The following IMMP2L variants were observed in gnomAD, a reference collection of about 807,000 sequenced individuals.
IMMP2L encodes mitochondrial inner membrane protease subunit 2.
A neutral mutation model predicts 19.3 loss-of-function variants in IMMP2L; 18 were observed. That is an observed-to-expected ratio of 0.93 (90% CI 0.64 to 1.38). The LOEUF (loss-of-function observed/expected upper bound fraction) is 1.38, where lower values mean the gene tolerates loss of function less well. Ranked by LOEUF, IMMP2L falls within the 40% of genes most tolerant of loss-of-function variation. The probability of loss-of-function intolerance (pLI) is 0.00; values close to 1 mark genes in which losing one functional copy is unlikely to be tolerated. For missense variants in IMMP2L, 233 were observed against 218.2 expected (o/e 1.07, Z -0.43); for synonymous variants, 76 against 73.0 (o/e 1.04, Z -0.21).
chr7:111,321,232 T>A (rs2130493851), intron 3 of IMMP2L, among the ~76,000 whole-genome samples: 1 of 152,110 alleles, frequency 6.6e-6, no homozygotes, highest in South Asian at 2.1e-4. Context: ...CAAAAAAGCA[T>A]CTGTCCATAC....
chr7:111,102,968 G>A (rs983242334), intron 3 of IMMP2L, among the ~76,000 whole-genome samples: 1 of 151,428 alleles, frequency 6.6e-6, no homozygotes, highest in African/African-American at 2.4e-5. Flanking sequence ...GAGCACTCAA[G>A]CCCTTGAGTT....
intron 3 of IMMP2L, among the ~76,000 whole-genome samples, chr7:111,051,114 G>C (rs1265857651): frequency 5.3e-5 from 8 of 152,150 alleles, no homozygotes; most frequent in African/African-American, 1.9e-4. Context: ...CTCCAGCCTG[G>C]TCAACAGAGT....
intron 3 of IMMP2L, among the ~76,000 whole-genome samples, chr7:111,033,512 C>T (rs1193981350): frequency 2.0e-5 from 3 of 152,202 alleles, no homozygotes; most frequent in African/African-American, 7.2e-5. Flanking sequence ...CATACAACAG[C>T]CCTCACAGGA....
intron 3 of IMMP2L, among the ~76,000 whole-genome samples, chr7:111,191,287 T>C (rs193079576): frequency 7.2e-4 from 110 of 152,210 alleles, no homozygotes; most frequent in South Asian, 2.1e-3. Flanking sequence ...CTAGATTAAC[T>C]ATTTCATTTA....
intron 1 of IMMP2L, among the ~76,000 whole-genome samples, chr7:111,549,034 G>T (rs1275871567): frequency 6.6e-6 from 1 of 151,946 alleles, no homozygotes; most frequent in East Asian, 1.9e-4. Flanking sequence ...TATCCCAAAG[G>T]GTATACCTTT....
intron 3 of IMMP2L, among the ~76,000 whole-genome samples, chr7:111,220,324 G>T (rs991331821): frequency 6.6e-6 from 1 of 151,838 alleles, no homozygotes; most frequent in Non-Finnish European, 1.5e-5. Context: ...ACATTGTTTG[G>T]TTACCAGACA....
intron 3 of IMMP2L, among the ~76,000 whole-genome samples, chr7:111,161,599 G>C (rs78288525): frequency 0.013 from 1,989 of 151,988 alleles, 35 homozygotes; most frequent in Admixed American, 0.054. Flanking sequence ...CAGTAATGAT[G>C]AATGTTTTAG....
At chr7:110,954,319 T>A (rs1818152296) in intron 4 of IMMP2L, among the ~76,000 whole-genome samples, 1 of 152,226 alleles carries the variant, frequency 6.6e-6, no homozygotes. Context: ...ATTCTCTTGT[T>A]ATATTCCTTT....
At chr7:111,394,178 C>T (rs1468746731) in intron 3 of IMMP2L, among the ~76,000 whole-genome samples, 2 of 151,930 alleles carry the variant, frequency 1.3e-5, no homozygotes, top group Non-Finnish European at 2.9e-5. Context: ...TGAAGAAATA[C>T]TTTATCATAA....
chr7:111,184,153 A>G (rs1808013668), intron 3 of IMMP2L, among the ~76,000 whole-genome samples: 1 of 152,072 alleles, frequency 6.6e-6, no homozygotes, highest in African/African-American at 2.4e-5. Context: ...ATATATGAGC[A>G]GCTATGAAGA....
At chr7:111,042,908 T>C (rs1792035791) in intron 3 of IMMP2L, among the ~76,000 whole-genome samples, 1 of 152,254 alleles carries the variant, frequency 6.6e-6, no homozygotes, top group Non-Finnish European at 1.5e-5. Context: ...TCTTGTTCAC[T>C]GTAACCCAGC....
In IMMP2L at chr7:111,261,314, G is replaced by A. The variant is rs1466392155; in HGVS notation, c.239+225924C>T. 2.0e-5 allele frequency among the ~76,000 whole-genome samples: 3 copies of A among 152,018 alleles called. No individual in the cohort carries two copies. The East Asian group carries it at 5.8e-4, about 29-fold the overall frequency. On this transcript the variant is annotated intron_variant, in intron 3 of 5. Coordinates refer to ENST00000405709, the MANE Select transcript of IMMP2L (RefSeq NM_032549.4). ...ACAACATGATTTCCCTCCCTGACCA[G>A]AGCCCACTGAAATACTGACTTAGTT... is the stretch of plus-strand genomic sequence containing the variant.
At chr7:111,480,487 A>T (rs993045184) in intron 3 of IMMP2L, among the ~76,000 whole-genome samples, 6 of 151,842 alleles carry the variant, frequency 4.0e-5, no homozygotes, top group Non-Finnish European at 7.4e-5. Context: ...TATTTATTTT[A>T]AAAATGTCAC....
intron 3 of IMMP2L, among the ~76,000 whole-genome samples, chr7:111,370,268 T>A (rs1302317698): frequency 6.6e-6 from 1 of 151,832 alleles, no homozygotes; most frequent in African/African-American, 2.4e-5. Context: ...AGTCAGTGAG[T>A]CATTCTCTAT....
intron 3 of IMMP2L, among the ~76,000 whole-genome samples, chr7:111,052,558 A>G (rs1294650165): frequency 1.3e-5 from 2 of 152,168 alleles, no homozygotes; most frequent in African/African-American, 2.4e-5. Flanking sequence ...GAACCAATGT[A>G]TACCTTACTG....
chr7:110,888,677 T>G (rs1810470996), intron 4 of IMMP2L, among the ~76,000 whole-genome samples: 1 of 152,204 alleles, frequency 6.6e-6, no homozygotes, highest in South Asian at 2.1e-4. Flanking sequence ...CACGTTTCCT[T>G]GCACTGACCG....
At chr7:111,243,331 G>A (rs1012557381) in intron 3 of IMMP2L, among the ~76,000 whole-genome samples, 1 of 151,936 alleles carries the variant, frequency 6.6e-6, no homozygotes, top group African/African-American at 2.4e-5. Flanking sequence ...TGACATAACT[G>A]AGGCATGTTG....
At chr7:111,093,293 C>A (rs890358880) in intron 3 of IMMP2L, among the ~76,000 whole-genome samples, 15 of 152,080 alleles carry the variant, frequency 9.9e-5, no homozygotes, top group African/African-American at 1.9e-4. Flanking sequence ...ATAAAAAAAA[C>A]CAAAATGATT....
intron 5 of IMMP2L, among the ~76,000 whole-genome samples, chr7:110,819,915 T>A (rs529683366): frequency 2.0e-4 from 30 of 152,128 alleles, no homozygotes; most frequent in South Asian, 8.3e-4. Context: ...TTTCTCTATA[T>A]CTTTTAAACA....
Sources: allele counts gnomAD v4.1 joint callset (sites outside exome capture counted in the v4.1 genomes callset), GRCh38; gene constraint gnomAD v4.1.1; transcripts MANE v1.5; gene names NCBI Gene and HGNC (gene_info 2026-07-23, HGNC 2026-07-21).